Variants in STXBP6 observed in about 807,000 individuals in gnomAD.
STXBP6 encodes syntaxin binding protein 6.
STXBP6 carries 21 observed loss-of-function variants against 26.9 expected under a neutral mutation model. That is an observed-to-expected ratio of 0.78 (90% CI 0.55 to 1.12). The LOEUF is 1.12. Ranked by LOEUF, STXBP6 falls within the 50% of genes most tolerant of loss-of-function variation. STXBP6 has a pLI of 0.00. For synonymous variants in STXBP6, 97 were observed against 92.6 expected (o/e 1.05, Z -0.27); for missense variants, 232 against 257.9 (o/e 0.90, Z 0.69).
At chr14:24,864,733 T>A (rs533738994) in intron 2 of STXBP6, among the ~76,000 whole-genome samples, 3 of 152,286 alleles carry the variant, frequency 2.0e-5, no homozygotes, top group South Asian at 4.1e-4. Context: ...TCAAAGCTGT[T>A]ATTACTTGGC....
At chr14:24,835,016 G>GTA (rs1349446541) in intron 4 of STXBP6, among the ~76,000 whole-genome samples, 1 of 152,158 alleles carries the variant, frequency 6.6e-6, no homozygotes, top group East Asian at 1.9e-4. Flanking sequence ...TACATAGAAG[G>GTA]TATATATATT....
intron 2 of STXBP6, among the ~76,000 whole-genome samples, chr14:24,948,099 A>C (rs1343589351): frequency 6.6e-6 from 1 of 152,164 alleles, no homozygotes; most frequent in Non-Finnish European, 1.5e-5. Context: ...TGAAGATGGG[A>C]GTGAGAAAAG....
At chr14:25,027,697 C>G (rs1270895692) in intron 1 of STXBP6, among the ~76,000 whole-genome samples, 1 of 152,206 alleles carries the variant, frequency 6.6e-6, no homozygotes, top group Non-Finnish European at 1.5e-5. Context: ...AACGATTACG[C>G]TTAGTGAAGA....
chr14:24,887,805 C>T (rs760966977), intron 2 of STXBP6, among the ~76,000 whole-genome samples: 14 of 152,320 alleles, frequency 9.2e-5, no homozygotes, highest in Non-Finnish European at 2.1e-4. Flanking sequence ...AGATGCTTCC[C>T]ACTAAGTATC....
At chr14:24,886,258 G>A (rs531563245) in intron 2 of STXBP6, among the ~76,000 whole-genome samples, 1 of 152,194 alleles carries the variant, frequency 6.6e-6, no homozygotes, top group Non-Finnish European at 1.5e-5. Flanking sequence ...ATTACATAGT[G>A]GTTAAAAACA....
At position 24,910,625 on chromosome 14, in the gene STXBP6, A is replaced by G. The variant is rs556585197; in HGVS notation, c.155-53468T>C. Among the ~76,000 whole-genome samples the G allele has an allele frequency of 1.2e-3, 182 of 152,362 alleles. 1 individual carries two copies. The highest frequency in any genetic ancestry group is 1.7e-3 in the Non-Finnish European group (118 of 68,032). On this transcript the variant is annotated intron_variant, in intron 2 of 5. Coordinates refer to ENST00000323944, the MANE Select transcript of STXBP6 (RefSeq NM_001394410.1). ...TGAACTTTGCAACTCACAATGTTAC[A>G]TAGCCTAGCAGGTCACAGGACTAGA... is the stretch of plus-strand genomic sequence containing the variant.
At chr14:24,824,156 G>C (rs1343407940) in intron 4 of STXBP6, among the ~76,000 whole-genome samples, 1 of 152,032 alleles carries the variant, frequency 6.6e-6, no homozygotes, top group African/African-American at 2.4e-5. Flanking sequence ...CAATTTCATT[G>C]CTCAGTGTTT....
chr14:24,924,688 C>G (rs543324013), intron 2 of STXBP6, among the ~76,000 whole-genome samples: 1 of 152,138 alleles, frequency 6.6e-6, no homozygotes, highest in African/African-American at 2.4e-5. Context: ...CTGTTACATT[C>G]ACCATTGTGC....
chr14:24,901,657 C>T (rs1428718750), intron 2 of STXBP6, among the ~76,000 whole-genome samples: 1 of 152,072 alleles, frequency 6.6e-6, no homozygotes, highest in African/African-American at 2.4e-5. Flanking sequence ...CATACCCATA[C>T]AACAGAATAC....
rs2069330626 is a variant in STXBP6, at chr14:24,856,252, T to C, written c.286-151A>G. 8 of 757,460 alleles carry C rather than the reference T, an allele frequency of 1.1e-5. No individual in the cohort carries two copies. In the South Asian group the frequency reaches 2.3e-4, roughly 21 times the overall value. 46.9% of individuals were successfully genotyped at this position (757,460 alleles called of 1,614,324 possible). ...TATCCAAGTGTATGGAGAGTCTACA[T>C]TTCTCTGTTTATGAAGCAAACCCCA... On this transcript the variant is annotated intron_variant, in intron 3 of 5. Transcript: ENST00000323944.
chr14:24,922,486 C>T (rs1026236034), intron 2 of STXBP6, among the ~76,000 whole-genome samples: 9 of 152,118 alleles, frequency 5.9e-5, no homozygotes, highest in African/African-American at 1.9e-4. Context: ...TTGCCACAGC[C>T]AGGCTATCAT....
chr14:24,962,894 A>G (rs1412105358), intron 2 of STXBP6, among the ~76,000 whole-genome samples: 1 of 150,718 alleles, frequency 6.6e-6, no homozygotes, highest in Non-Finnish European at 1.5e-5. Flanking sequence ...AACTGAAAAA[A>G]AAAAATCCAG....
At chr14:24,852,546 G>A (rs1422593935) in intron 4 of STXBP6, among the ~76,000 whole-genome samples, 1 of 152,006 alleles carries the variant, frequency 6.6e-6, no homozygotes, top group Non-Finnish European at 1.5e-5. Context: ...TGTCTTCCCA[G>A]TGCTTTCATC....
chr14:24,889,042 A>T (rs2070693952), intron 2 of STXBP6, among the ~76,000 whole-genome samples: 1 of 152,118 alleles, frequency 6.6e-6, no homozygotes, highest in South Asian at 2.1e-4. Context: ...CAAGAAAAAA[A>T]TCATGAAGAT....
intron 2 of STXBP6, among the ~76,000 whole-genome samples, chr14:24,971,230 A>G (rs973688778): frequency 5.9e-5 from 9 of 152,178 alleles, no homozygotes; most frequent in Non-Finnish European, 1.0e-4. Flanking sequence ...AGATATTGGG[A>G]AAAAAATCAC....
chr14:24,964,149 A>G (rs933586934), intron 2 of STXBP6, among the ~76,000 whole-genome samples: 30 of 152,078 alleles, frequency 2.0e-4, no homozygotes, highest in African/African-American at 7.2e-4. Context: ...CATTTGTTCC[A>G]CAAGGATGCT....
chr14:24,893,349 C>A (rs549733897), intron 2 of STXBP6, among the ~76,000 whole-genome samples: 1 of 152,290 alleles, frequency 6.6e-6, no homozygotes, highest in East Asian at 1.9e-4. Context: ...CCACTTAAAT[C>A]CATTTTACAC....
At chr14:24,900,923 T>A (rs1034727224) in intron 2 of STXBP6, among the ~76,000 whole-genome samples, 4 of 152,130 alleles carry the variant, frequency 2.6e-5, no homozygotes, top group African/African-American at 7.2e-5. Flanking sequence ...AAAGCAGAGA[T>A]GAAGACAGTA....
At chr14:24,820,839 C>G (rs1325550864) in intron 4 of STXBP6, among the ~76,000 whole-genome samples, 1 of 152,182 alleles carries the variant, frequency 6.6e-6, no homozygotes, top group Non-Finnish European at 1.5e-5. Flanking sequence ...GCACTTGAGC[C>G]TGGTTTCCCA....
Sources: gnomAD v4.1 joint callset for allele counts (sites outside exome capture counted in the v4.1 genomes callset) on GRCh38, gnomAD v4.1.1 for gene constraint, MANE v1.5 for transcripts, NCBI Gene and HGNC (gene_info 2026-07-23, HGNC 2026-07-21) for gene names.